PPP1R1C: variants seen among roughly 807,000 people sequenced by gnomAD.
PPP1R1C encodes the protein protein phosphatase 1 regulatory subunit 1C.
A neutral mutation model predicts 17.4 loss-of-function variants in PPP1R1C; 15 were observed. That is an observed-to-expected ratio of 0.86 (90% CI 0.58 to 1.33). The LOEUF is 1.33. Ranked by LOEUF, PPP1R1C falls within the 40% of genes most tolerant of loss-of-function variation. The probability of loss-of-function intolerance (pLI) is 0.00; values close to 1 mark genes in which losing one functional copy is unlikely to be tolerated. For missense variants in PPP1R1C, 143 were observed against 130.0 expected (o/e 1.10, Z -0.48); for synonymous variants, 35 against 43.1 (o/e 0.81, Z 0.73).
upstream of PPP1R1C, among the ~76,000 whole-genome samples, chr2:181,982,882 G>A (rs1446819323): frequency 1.3e-5 from 2 of 152,180 alleles, no homozygotes; most frequent in Non-Finnish European, 2.9e-5. Context: ...AGAGACTATA[G>A]TTGTTGCTTG....
chr2:182,061,932 T>A (rs1687862721), intron 3 of PPP1R1C, among the ~76,000 whole-genome samples: 1 of 152,044 alleles, frequency 6.6e-6, no homozygotes, highest in African/African-American at 2.4e-5. Flanking sequence ...TCCAACGGGT[T>A]CACCTAGAAA....
intron 4 of PPP1R1C, among the ~76,000 whole-genome samples, chr2:182,075,716 A>AT (rs1688278282): frequency 6.6e-6 from 1 of 152,196 alleles, no homozygotes; most frequent in South Asian, 2.1e-4. Flanking sequence ...TTTCAAAAGC[A>AT]TTTTTAAATT....
chr2:181,970,737 T>G (rs1684992171), intron 1 of PPP1R1C, among the ~76,000 whole-genome samples: 2 of 151,916 alleles, frequency 1.3e-5, no homozygotes, highest in African/African-American at 4.8e-5. Flanking sequence ...AGCTTAGGAA[T>G]CTACCTAATG....
At chr2:181,987,959 C>A in intron 2 of PPP1R1C, 60 bp downstream of exon 2, 2 of 1,395,990 alleles carry the variant, frequency 1.4e-6, no homozygotes, top group South Asian at 1.3e-5. Context: ...TAAAGAACAT[C>A]AAAGTACATG....
At chr2:182,048,811 T>A (rs1413525871) in intron 2 of PPP1R1C, 1 of 152,224 alleles carries the variant, frequency 6.6e-6, no homozygotes, top group African/African-American at 2.4e-5. Context: ...CCTTCAAACA[T>A]GTTAGATACA....
intron 2 of PPP1R1C, among the ~76,000 whole-genome samples, chr2:182,049,944 A>G (rs1687461133): frequency 6.6e-6 from 1 of 152,180 alleles, no homozygotes; most frequent in African/African-American, 2.4e-5. Flanking sequence ...GTATTACACA[A>G]TTGCCAAAAT....
chr2:182,020,622 T>C (rs1686391949), intron 2 of PPP1R1C, among the ~76,000 whole-genome samples: 1 of 152,220 alleles, frequency 6.6e-6, no homozygotes, highest in Non-Finnish European at 1.5e-5. Context: ...CTTTTTCTCT[T>C]CTCTTTCCAT....
chr2:182,028,506 A>T (rs1686699852), intron 2 of PPP1R1C, among the ~76,000 whole-genome samples: 1 of 152,114 alleles, frequency 6.6e-6, no homozygotes, highest in South Asian at 2.1e-4. Context: ...TTCAGTTTCC[A>T]TGTAGTTGAG....
chr2:182,124,327 GTT>G (rs1294464668), intron 5 of PPP1R1C, among the ~76,000 whole-genome samples: 30 of 83,006 alleles, frequency 3.6e-4, no homozygotes, highest in Non-Finnish European at 5.8e-4. Flanking sequence ...TTTTTTTTTT[GTT>G]TTTTTTTTTG....
chr2:181,983,876 A>G (rs1050000961), upstream of PPP1R1C, among the ~76,000 whole-genome samples: 1 of 152,190 alleles, frequency 6.6e-6, no homozygotes, highest in Admixed American at 6.5e-5. Flanking sequence ...ACTGAATCTT[A>G]ATGGACACAC....
chr2:181,984,145 A>G (rs1185231784), upstream of PPP1R1C, among the ~76,000 whole-genome samples: 3 of 152,210 alleles, frequency 2.0e-5, no homozygotes, highest in Non-Finnish European at 4.4e-5. Context: ...AATCTGGCTG[A>G]AAGAAAAATA....
intron 5 of PPP1R1C, among the ~76,000 whole-genome samples, chr2:182,123,626 C>A (rs528253769): frequency 6.6e-6 from 1 of 152,072 alleles, no homozygotes; most frequent in East Asian, 1.9e-4. Flanking sequence ...TTTTATCATA[C>A]GTTTGTTGAC....
rs1684693863 is a variant in PPP1R1C, at chr2:181,957,691, CCT to C, written n.111+3058_111+3059del. The stretch of plus-strand genomic sequence containing the variant: ...AAAATCTGATAATTCCCATTGCATA[CCT>C]TAGGAATCTGTCTCCCATGCCCCAC... On this transcript the variant is annotated intron_variant and non_coding_transcript_variant, in intron 1 of 5. Coordinates refer to the PPP1R1C transcript ENST00000464264. The surrounding 1 kb of genome is among the most constrained non-coding windows in gnomAD (Gnocchi z 4.2). 6.6e-6 allele frequency among the ~76,000 whole-genome samples: 1 copy of C among 152,114 alleles called. No homozygotes were observed. Among genetic ancestry groups the C allele is most frequent in the African/African-American group, 2.4e-5 (1 of 41,422 alleles).
chr2:182,038,357 C>A (rs1687076720), intron 2 of PPP1R1C, among the ~76,000 whole-genome samples: 1 of 152,160 alleles, frequency 6.6e-6, no homozygotes, highest in African/African-American at 2.4e-5. Context: ...AATTTTTAAA[C>A]TAACTATCCC....
intron 4 of PPP1R1C, among the ~76,000 whole-genome samples, chr2:182,082,857 A>C (rs1226090441): frequency 6.6e-6 from 1 of 152,138 alleles, no homozygotes; most frequent in Admixed American, 6.5e-5. Context: ...TTATGGAGCA[A>C]AAAGGTACCT....
rs542272347 is a variant in PPP1R1C at position 182,036,756 on chromosome 2, C to G, written c.143-24686C>G. On this transcript the variant is annotated intron_variant, in intron 2 of 4. Coordinates refer to ENST00000682840, the MANE Select transcript of PPP1R1C (RefSeq NM_001080545.3). ...AACATAATGGCAAATACCACAATTA[C>G]TTTTGCACCAACCTAATATGTGTGT... Among the ~76,000 whole-genome samples the G allele has an allele frequency of 3.3e-5, 5 of 152,066 alleles. No individual in the cohort carries two copies. In the East Asian group the frequency reaches 9.6e-4, roughly 29 times the overall value.
intron 2 of PPP1R1C, among the ~76,000 whole-genome samples, chr2:182,006,613 T>G (rs1001740666): frequency 1.3e-5 from 2 of 152,222 alleles, no homozygotes; most frequent in Non-Finnish European, 2.9e-5. Flanking sequence ...TTCTGGCTGG[T>G]CTGTTCCTTT....
At chr2:181,981,545 C>T (rs1471335906), upstream of PPP1R1C, among the ~76,000 whole-genome samples, 1 of 152,216 alleles carries the variant, frequency 6.6e-6, no homozygotes, top group Admixed American at 6.5e-5. Context: ...GTTCATTTCA[C>T]TTATATTACT....
intron 2 of PPP1R1C, among the ~76,000 whole-genome samples, chr2:182,015,900 C>T (rs886277163): frequency 3.9e-5 from 6 of 152,162 alleles, no homozygotes; most frequent in Non-Finnish European, 1.5e-5. Flanking sequence ...GACTCAAGCA[C>T]TCCTTTGGCT....
Sources: allele counts gnomAD v4.1 joint callset (sites outside exome capture counted in the v4.1 genomes callset), GRCh38; gene constraint gnomAD v4.1.1; non-coding constraint Gnocchi (gnomAD v3.1); transcripts MANE v1.5; gene names NCBI Gene and HGNC (gene_info 2026-07-23, HGNC 2026-07-21).